ALKBH8: variants seen among roughly 807,000 people sequenced by gnomAD.
ALKBH8 encodes the protein alkB homolog 8, tRNA methyltransferase, also known as tRNA (carboxymethyluridine(34)-5-O)-methyltransferase ALKBH8.
A neutral mutation model predicts 59.8 loss-of-function variants in ALKBH8; 36 were observed. That is an observed-to-expected ratio of 0.60 (90% CI 0.46 to 0.79). The LOEUF (loss-of-function observed/expected upper bound fraction) is 0.79. Among genes scored for constraint, ALKBH8 ranks in the 30% least tolerant of loss-of-function variants. The probability of loss-of-function intolerance (pLI) is 0.00; values close to 1 mark genes in which losing one functional copy is unlikely to be tolerated. For synonymous variants in ALKBH8, 276 were observed against 273.6 expected (o/e 1.01, Z -0.09); for missense variants, 768 against 801.0 (o/e 0.96, Z 0.50).
At chr11:107,554,882 T>C (rs1051160890) in intron 3 of ALKBH8, among the ~76,000 whole-genome samples, 11 of 152,278 alleles carry the variant, frequency 7.2e-5, no homozygotes, top group Non-Finnish European at 1.3e-4. Context: ...GTTTCCGAAA[T>C]ATGTTGTTTT....
chr11:107,540,259 T>A (rs1863982729), intron 7 of ALKBH8, among the ~76,000 whole-genome samples: 1 of 152,166 alleles, frequency 6.6e-6, no homozygotes, highest in Non-Finnish European at 1.5e-5. Flanking sequence ...AAAAAATCTA[T>A]TGTATAGCAA....
chr11:107,522,601 T>A, intron 9 of ALKBH8, 46 bp from the exon 10 acceptor site: 1 of 1,494,166 alleles, frequency 6.7e-7, no homozygotes, highest in South Asian at 1.3e-5. Context: ...TCAGAATAAC[T>A]CATAAGGTAT....
At chr11:107,548,347 G>A (rs1453531713) in intron 7 of ALKBH8, among the ~76,000 whole-genome samples, 5 of 152,196 alleles carry the variant, frequency 3.3e-5, no homozygotes, top group Non-Finnish European at 5.9e-5. Context: ...CTTGGCTACA[G>A]ATCTAAAGTC....
At chr11:107,550,089 TAACTC>T (rs1864428569) in intron 6 of ALKBH8, among the ~76,000 whole-genome samples, 1 of 152,220 alleles carries the variant, frequency 6.6e-6, no homozygotes, top group Non-Finnish European at 1.5e-5. Flanking sequence ...CTAGGACACT[TAACTC>T]AATTCCAGCC....
At chr11:107,526,620 T>A (rs1046980127) in intron 8 of ALKBH8, among the ~76,000 whole-genome samples, 13 of 152,038 alleles carry the variant, frequency 8.6e-5, no homozygotes, top group Non-Finnish European at 1.9e-4. Flanking sequence ...TAGTGTGTTA[T>A]GAAATCTCTC....
chr11:107,546,258 G>C (rs1864248864), intron 7 of ALKBH8, among the ~76,000 whole-genome samples: 1 of 152,114 alleles, frequency 6.6e-6, no homozygotes, highest in African/African-American at 2.4e-5. Context: ...ATTATCAGCT[G>C]ACCAACTCTT....
intron 10 of ALKBH8, among the ~76,000 whole-genome samples, chr11:107,520,799 A>G (rs976502888): frequency 6.6e-5 from 10 of 152,202 alleles, no homozygotes; most frequent in Non-Finnish European, 5.9e-5. Context: ...CTTAATGTAC[A>G]AACTCTACAT....
chr11:107,529,558 G>A (rs1863493673), intron 8 of ALKBH8, among the ~76,000 whole-genome samples: 1 of 151,806 alleles, frequency 6.6e-6, no homozygotes, highest in South Asian at 2.1e-4. Flanking sequence ...AGGCTGGAGT[G>A]CAGTGACGCG....
At chr11:107,543,334 CA>C (rs952069505) in intron 7 of ALKBH8, among the ~76,000 whole-genome samples, 6 of 144,188 alleles carry the variant, frequency 4.2e-5, no homozygotes, top group African/African-American at 7.7e-5. Context: ...GACTTCGTCT[CA>C]AAAAAAAAAG....
At chr11:107,559,299 A>G (rs1864843007) in intron 2 of ALKBH8, among the ~76,000 whole-genome samples, 1 of 152,202 alleles carries the variant, frequency 6.6e-6, no homozygotes, top group Non-Finnish European at 1.5e-5. Context: ...CATTAAAACA[A>G]TATTTGCTCT....
At chr11:107,526,296 A>C (rs915392161) in intron 8 of ALKBH8, among the ~76,000 whole-genome samples, 1 of 151,992 alleles carries the variant, frequency 6.6e-6, no homozygotes, top group African/African-American at 2.4e-5. Flanking sequence ...CTGAGTTTTA[A>C]ATTTTAGCCA....
At chr11:107,515,317 G>A (rs1862818305) in intron 10 of ALKBH8, among the ~76,000 whole-genome samples, 1 of 152,146 alleles carries the variant, frequency 6.6e-6, no homozygotes, top group Non-Finnish European at 1.5e-5. Context: ...TGTGTGCTGG[G>A]TGAAGATCAA....
chr11:107,510,935 AG>A lies in ALKBH8; in HGVS notation c.1388del (p.Ser463PhefsTer31). ...CAGCAATGGAGATGCAGGCATCACA[AG>A]ACCCACTGCGGACTGGTACTGCCAA... ...DALAVPVRSG[S>X]CDACISIAVI... On this transcript the variant is annotated frameshift_variant, in exon 11 of 12. Coordinates refer to ENST00000428149, the MANE Select transcript of ALKBH8 (RefSeq NM_138775.3). LOFTEE classifies it low-confidence loss of function (END_TRUNC). The A allele has an allele frequency of 6.4e-7, 1 of 1,551,808 alleles. No homozygotes were observed. The highest frequency in any genetic ancestry group is 8.7e-7 in the Non-Finnish European group (1 of 1,146,966).
At chr11:107,505,876 A>C (rs1306289730) in intron 11 of ALKBH8, among the ~76,000 whole-genome samples, 1 of 152,224 alleles carries the variant, frequency 6.6e-6, no homozygotes, top group Admixed American at 6.5e-5. Context: ...GATAGGGCTC[A>C]GAGTACAGGG....
chr11:107,541,326 C>T (rs1205711518), intron 7 of ALKBH8, among the ~76,000 whole-genome samples: 2 of 152,136 alleles, frequency 1.3e-5, no homozygotes, highest in African/African-American at 4.8e-5. Flanking sequence ...ACAGAAAGCA[C>T]CGAAATTGTC....
At chr11:107,549,582 T>C (rs953604051) in intron 7 of ALKBH8, among the ~76,000 whole-genome samples, 171 bp downstream of exon 7, 2 of 152,224 alleles carry the variant, frequency 1.3e-5, no homozygotes, top group Admixed American at 1.3e-4. Context: ...ACAGATAAAA[T>C]TTTGGATATT....
intron 7 of ALKBH8, among the ~76,000 whole-genome samples, 171 bp from the exon 8 acceptor site, chr11:107,532,577 C>G (rs560443845): frequency 6.6e-6 from 1 of 152,180 alleles, no homozygotes; most frequent in Admixed American, 6.5e-5. Flanking sequence ...ACATGAGAAT[C>G]AACTGAATGA....
rs549211260 is a variant in ALKBH8, at chr11:107,553,137, T to C, written c.566A>G (p.Asn189Ser). The C allele has an allele frequency of 4.8e-5, 77 of 1,607,494 alleles. No homozygotes were observed. The South Asian group carries it at 7.4e-4, about 15-fold the overall frequency. ...AGATAATGGCTTATCTTTATCTACA[T>C]TGTTGTTCTCATAGTGGAACTCATA... ...FGYEFHYENN[N>S]VDKDKPLSGG... Residue 189 changes from asparagine to serine, a missense_variant, in exon 5 of 12, where the codon AAT becomes AGT. Physicochemically the swap from Asn to Ser is conservative, Grantham distance 46. Transcript: ENST00000428149.
intron 11 of ALKBH8, among the ~76,000 whole-genome samples, chr11:107,507,848 G>GT (rs980157022): frequency 5.8e-4 from 89 of 152,212 alleles, no homozygotes; most frequent in African/African-American, 2.0e-3. Flanking sequence ...CCCTTACCTA[G>GT]TTGTGTCCAT....
Sources: allele counts gnomAD v4.1 joint callset (sites outside exome capture counted in the v4.1 genomes callset), GRCh38; gene constraint gnomAD v4.1.1; transcripts MANE v1.5; gene names NCBI Gene and HGNC (gene_info 2026-07-23, HGNC 2026-07-21).